The following NCAM1 variants were observed in gnomAD, a reference collection of about 807,000 sequenced individuals.
NCAM1 encodes the protein neural cell adhesion molecule 1.
A neutral mutation model predicts 109.8 loss-of-function variants in NCAM1; 14 were observed. The observed-to-expected ratio is 0.13, with a 90% CI of 0.08 to 0.20. NCAM1 has a LOEUF of 0.20. NCAM1 is among the 10% of genes least tolerant of loss of function. NCAM1 has a pLI of 1.00. For synonymous variants in NCAM1, 418 were observed against 442.9 expected (o/e 0.94, Z 0.70); for missense variants, 774 against 1,109.9 (o/e 0.70, Z 4.30).
At chr11:113,191,962 G>C (rs1943691756) in intron 1 of NCAM1, among the ~76,000 whole-genome samples, 1 of 152,190 alleles carries the variant, frequency 6.6e-6, no homozygotes, top group Non-Finnish European at 1.5e-5. Flanking sequence ...AAATTCTCAG[G>C]ATGAAGTTGC....
chr11:113,191,807 A>G (rs1254784330), intron 1 of NCAM1, among the ~76,000 whole-genome samples: 1 of 151,742 alleles, frequency 6.6e-6, no homozygotes, highest in Non-Finnish European at 1.5e-5. Context: ...ATGAATGTGG[A>G]ATTTTCCACT....
intron 19 of NCAM1, 147 bp from the exon 20 acceptor site, chr11:113,275,120 C>T: frequency 9.4e-7 from 1 of 1,060,856 alleles, no homozygotes; most frequent in South Asian, 1.7e-5. Flanking sequence ...TTTTAGTGCT[C>T]CCAGGTGATT....
intron 1 of NCAM1, among the ~76,000 whole-genome samples, chr11:112,992,148 C>T (rs188414073): frequency 1.1e-4 from 17 of 152,132 alleles, no homozygotes; most frequent in African/African-American, 4.1e-4. Context: ...CCAAGGTTTC[C>T]TTTCTTAAAG....
chr11:113,028,425 A>G (rs1324846593), intron 1 of NCAM1, among the ~76,000 whole-genome samples: 1 of 152,158 alleles, frequency 6.6e-6, no homozygotes, highest in Non-Finnish European at 1.5e-5. Flanking sequence ...TGTATAAAAG[A>G]CATTCTTTTA....
chr11:113,262,140 G>T lies in NCAM1; in HGVS notation c.2131+1817G>T, dbSNP rs561494466. Among the ~76,000 whole-genome samples the T allele has an allele frequency of 2.6e-5, 4 of 152,246 alleles. No individual in the cohort carries two copies. The South Asian group carries it at 8.3e-4, about 32-fold the overall frequency. ...ATAAAACCTCTCTGAATTACAAGTTGGACATTTGTGGTTGAATTCTGTGGT... is the reference window on the plus strand; with the variant it reads ...ATAAAACCTCTCTGAATTACAAGTTTGACATTTGTGGTTGAATTCTGTGGT... On this transcript the variant is annotated intron_variant, in intron 17 of 19. Coordinates refer to ENST00000316851, the MANE Select transcript of NCAM1 (RefSeq NM_181351.5).
At chr11:113,214,616 T>G in intron 8 of NCAM1, 105 bp downstream of exon 8, 1 of 1,321,582 alleles carries the variant, frequency 7.6e-7, no homozygotes, top group Non-Finnish European at 1.0e-6. Context: ...TGGGTTATGG[T>G]CACCAGAGGC....
intron 1 of NCAM1, among the ~76,000 whole-genome samples, chr11:113,089,453 A>G (rs903333144): frequency 2.0e-5 from 3 of 152,130 alleles, no homozygotes; most frequent in African/African-American, 7.2e-5. Flanking sequence ...TGGTTAAGAC[A>G]GTGTTAGGCT....
chr11:113,200,169 G>A (rs567437759), intron 1 of NCAM1, among the ~76,000 whole-genome samples: 2 of 152,308 alleles, frequency 1.3e-5, no homozygotes, highest in Admixed American at 6.5e-5. Context: ...TTCTTGGGGG[G>A]ACTCAGCTTC....
At chr11:113,255,728 C>A in intron 15 of NCAM1, 149 bp from the exon 16 acceptor site, 1 of 874,370 alleles carries the variant, frequency 1.1e-6, no homozygotes, top group Non-Finnish European at 1.7e-6. Context: ...ACCTGGAATT[C>A]AGTTTTATAT....
rs1157313007 is a variant in NCAM1, at chr11:113,088,989, A to ATT, written c.53-113389_53-113388insTT. On this transcript the variant is annotated intron_variant, in intron 1 of 19. Coordinates refer to ENST00000316851, the MANE Select transcript of NCAM1 (RefSeq NM_181351.5). ...TGAGAAATCTAAATGTACCAGATCT[A>ATT]TGCATTTCATTAAACTCTACATCTG... 2.0e-5 allele frequency among the ~76,000 whole-genome samples: 3 copies of ATT among 152,204 alleles called. No homozygotes were observed. The East Asian group carries it at 5.8e-4, about 29-fold the overall frequency.
chr11:113,202,598 C>A (rs1161108626), intron 2 of NCAM1, 145 bp downstream of exon 2: 3 of 615,710 alleles, frequency 4.9e-6, no homozygotes, highest in Non-Finnish European at 7.6e-6. Flanking sequence ...AATAGTATGG[C>A]CATTTAAGAG....
intron 1 of NCAM1, among the ~76,000 whole-genome samples, chr11:113,087,621 T>C (rs1319234908): frequency 7.2e-5 from 11 of 152,186 alleles, no homozygotes; most frequent in Non-Finnish European, 1.5e-4. Context: ...AAACTTCCTA[T>C]TGATAGGAGC....
intron 1 of NCAM1, among the ~76,000 whole-genome samples, chr11:113,162,286 A>G (rs1942627241): frequency 6.6e-6 from 1 of 152,196 alleles, no homozygotes; most frequent in African/African-American, 2.4e-5. Flanking sequence ...TCCAGTCATT[A>G]GAAGCATGTT....
chr11:113,129,354 T>C (rs1259198512), intron 1 of NCAM1, among the ~76,000 whole-genome samples: 1 of 152,226 alleles, frequency 6.6e-6, no homozygotes, highest in Non-Finnish European at 1.5e-5. Context: ...CATAATTTTC[T>C]GTGCATGCGG....
chr11:113,086,309 A>C (rs140871309), intron 1 of NCAM1, among the ~76,000 whole-genome samples: 3 of 152,336 alleles, frequency 2.0e-5, no homozygotes, highest in African/African-American at 7.2e-5. Flanking sequence ...CAGAACTGAC[A>C]AAGTAGGGAA....
Position 113,277,538 on chromosome 11 carries a change from A to G in NCAM1, c.*2151A>G. On this transcript the variant is annotated 3_prime_UTR_variant, in exon 20 of 20. Transcript: ENST00000316851. ...CCGGGAGGGCCCAGCAGTGAGGGGC[A>G]GGCTCTTCTGGTCACCAGGCTGTTC... The G allele has an allele frequency of 2.5e-6, 1 of 398,120 alleles. No individual in the cohort carries two copies. The allele number at this position is 398,120 out of a possible 1,614,324, so 24.7% of individuals were successfully genotyped here. A position where few individuals can be genotyped will look rare whatever the true frequency, so the allele number is the denominator to read the frequency against.
In NCAM1 at chr11:113,099,854, A is replaced by G. The variant is rs569154827; in HGVS notation, c.53-102525A>G. On this transcript the variant is annotated intron_variant, in intron 1 of 19. Transcript: ENST00000316851. ...CAGGCACATGCCACCATGCCCAGCT[A>G]ATTTTTGTATTTTTAGCAGAGACGG... Among the ~76,000 whole-genome samples, 532 of 152,106 alleles carry G rather than the reference A, an allele frequency of 3.5e-3. 4 individuals are homozygous for G. Among genetic ancestry groups the G allele is most frequent in the African/African-American group, 0.013 (521 of 41,494 alleles).
chr11:113,005,124 C>T (rs2135035982), intron 1 of NCAM1, among the ~76,000 whole-genome samples: 1 of 151,946 alleles, frequency 6.6e-6, no homozygotes, highest in Middle Eastern at 3.4e-3. Context: ...TTCTTTTTCA[C>T]TTTTTTCTTC....
rs1174603219 is a variant in NCAM1, at chr11:112,962,633, GCGGGGGTTGCGCCGCC to G, written c.52+970_52+985del. Among the ~76,000 whole-genome samples, 1 of 152,164 alleles carries G rather than the reference GCGGGGGTTGCGCCGCC, an allele frequency of 6.6e-6. No individual in the cohort carries two copies. The highest frequency in any genetic ancestry group is 1.5e-5 in the Non-Finnish European group (1 of 68,006). Reference sequence around the variant, plus strand: ...GACAGTAGTGATGCTGCCGCGGGTGGCGGGGGTTGCGCCGCCGCCCAGAGAACCTCGGCAGTGTGCA... The same window carrying G: ...GACAGTAGTGATGCTGCCGCGGGTGGGCCCAGAGAACCTCGGCAGTGTGCA... On this transcript the variant is annotated intron_variant, in intron 1 of 19. Transcript: ENST00000316851. This position sits in a 1 kb window ranked among gnomAD's most constrained non-coding sequence, Gnocchi z 5.6.
Sources: allele counts gnomAD v4.1 joint callset (sites outside exome capture counted in the v4.1 genomes callset), GRCh38; gene constraint gnomAD v4.1.1; non-coding constraint Gnocchi (gnomAD v3.1); transcripts MANE v1.5; gene names NCBI Gene and HGNC (gene_info 2026-07-23, HGNC 2026-07-21).